NDEL1: variants seen among roughly 807,000 people sequenced by gnomAD.
The protein encoded by NDEL1 is nuclear distribution protein nudE-like 1.
A neutral mutation model predicts 45.7 loss-of-function variants in NDEL1; 9 were observed. The ratio of observed to expected loss-of-function variants is 0.20; its 90% CI spans 0.12 to 0.34. NDEL1 has a LOEUF of 0.34. Among genes scored for constraint, NDEL1 ranks in the 10% least tolerant of loss-of-function variants. The probability of loss-of-function intolerance (pLI) is 1.00; values close to 1 mark genes in which losing one functional copy is unlikely to be tolerated. For missense variants in NDEL1, 306 were observed against 406.2 expected (o/e 0.75, Z 2.12); for synonymous variants, 133 against 158.6 (o/e 0.84, Z 1.21).
intron 8 of NDEL1, among the ~76,000 whole-genome samples, chr17:8,461,599 T>C (rs1911210093): frequency 6.6e-6 from 1 of 152,130 alleles, no homozygotes; most frequent in South Asian, 2.1e-4. Context: ...AACATAAAAT[T>C]GATTTTCCTC....
intron 8 of NDEL1, among the ~76,000 whole-genome samples, chr17:8,463,681 T>C (rs1453302263): frequency 6.6e-6 from 1 of 152,250 alleles, no homozygotes; most frequent in Non-Finnish European, 1.5e-5. Context: ...TGTCAGGCCC[T>C]GGGATCACCT....
chr17:8,472,615 A>G (rs1024271897), downstream of NDEL1, among the ~76,000 whole-genome samples: 1 of 152,176 alleles, frequency 6.6e-6, no homozygotes, highest in African/African-American at 2.4e-5. Flanking sequence ...GTGAGCTGAG[A>G]GCATGCCACT....
rs557654205 is a variant in NDEL1, at chr17:8,428,884, A to G, written c.-12-15376A>G. The stretch of plus-strand genomic sequence containing the variant: ...GAGACGGGGTTTCACCGTGTTAGCC[A>G]AGATGGTCTCGATCTCCTGACCTTG... On this transcript the variant is annotated intron_variant, in intron 1 of 4. Transcript: ENST00000582812. Among the ~76,000 whole-genome samples the G allele has an allele frequency of 1.1e-4, 16 of 151,676 alleles. 1 individual carries two copies. The South Asian group carries it at 2.1e-3, about 20-fold the overall frequency.
chr17:8,420,509 G>A (rs1908681662), intron 1 of NDEL1, among the ~76,000 whole-genome samples: 1 of 152,188 alleles, frequency 6.6e-6, no homozygotes, highest in Non-Finnish European at 1.5e-5. Context: ...ATTTGCATCT[G>A]GGACAGATGC....
upstream of NDEL1, among the ~76,000 whole-genome samples, chr17:8,432,347 AATAT>A: frequency 1.7e-5 from 1 of 58,454 alleles, no homozygotes; most frequent in Non-Finnish European, 3.8e-5. Context: ...ATTATATATA[AATAT>A]AAATATAAAT....
At chr17:8,422,760 G>A (rs8079233) in intron 1 of NDEL1, among the ~76,000 whole-genome samples, 106,726 of 150,762 alleles carry the variant, frequency 0.71, 38,390 homozygotes, top group Middle Eastern at 0.8. Context: ...TTTTTGAGAC[G>A]GAGTCTTGCT....
chr17:8,470,469 CCCAGAGTGG>C (rs767312397), downstream of NDEL1, among the ~76,000 whole-genome samples: 3 of 152,166 alleles, frequency 2.0e-5, no homozygotes, highest in Non-Finnish European at 4.4e-5. This position sits in a 1 kb window ranked among gnomAD's most constrained non-coding sequence, Gnocchi z 4.2. Flanking sequence ...CTTCCTTCAG[CCCAGAGTGG>C]CCAGAAATGA....
rs1176480046 is a variant in NDEL1 at position 8,428,362 on chromosome 17, ATTTTTT to A, written c.-13+15106_-13+15111del. 8.7e-4 allele frequency among the ~76,000 whole-genome samples: 71 copies of A among 81,566 alleles called. 1 individual carries two copies. In the East Asian group the frequency reaches 0.019, roughly 22 times the overall value. 53.5% of individuals were successfully genotyped at this position (81,566 alleles called of 152,430 possible). A position where few individuals can be genotyped will look rare whatever the true frequency, so the allele number is the denominator to read the frequency against. On this transcript the variant is annotated intron_variant, in intron 1 of 4. Coordinates refer to the NDEL1 transcript ENST00000582812. ...TGTGTGTGTGTGTGTGTGTGTGTGT[ATTTTTT>A]TTTTTTTTTTTTCCGAGACAGAGTC... is the stretch of plus-strand genomic sequence containing the variant.
chr17:8,413,951 A>T (rs1021201153), intron 1 of NDEL1, among the ~76,000 whole-genome samples: 2 of 152,260 alleles, frequency 1.3e-5, no homozygotes, highest in African/African-American at 2.4e-5. Context: ...AGAGACATTG[A>T]AAGTGTTTGC....
At position 8,446,813 on chromosome 17, in the gene NDEL1, T is replaced by G. The variant is rs747638688; in HGVS notation, c.300T>G (p.Asp100Glu). Residue 100 changes from aspartate (D) to glutamate (E), a missense_variant, in exon 4 of 9, where the codon GAT becomes GAG. This residue lies in a region of NDEL1 where 112 missense variants were observed against 148.3 expected (regional missense o/e 0.76). Transcript: ENST00000334527. ...AGCAGGTCTCAGTGTTAGAAGATGA[T>G]TTAAGTCAGACTCGGGCCATTAAGG... is the stretch of plus-strand genomic sequence containing the variant. ...SYKQVSVLED[D>E]LSQTRAIKEQ... is the part of the protein sequence containing the mutation. 3 of 1,614,102 alleles carry G rather than the reference T, an allele frequency of 1.9e-6. No individual in the cohort carries two copies. The Admixed American group carries it at 5.0e-5, about 27-fold the overall frequency.
intron 6 of NDEL1, among the ~76,000 whole-genome samples, chr17:8,452,595 C>T (rs932486705): frequency 6.6e-6 from 1 of 152,138 alleles, no homozygotes; most frequent in Non-Finnish European, 1.5e-5. Context: ...TCAGAGAAAT[C>T]GGTAAGATCT....
At chr17:8,471,867 C>T (rs1911840515), downstream of NDEL1, among the ~76,000 whole-genome samples, 1 of 152,170 alleles carries the variant, frequency 6.6e-6, no homozygotes, top group Non-Finnish European at 1.5e-5. Context: ...AAAAACTCAA[C>T]ATCTGGGAAA....
upstream of NDEL1, chr17:8,431,963 G>C (rs549241496): frequency 6.6e-6 from 1 of 150,406 alleles, no homozygotes; most frequent in South Asian, 2.1e-4. Context: ...AGGTTCAAGC[G>C]GTTCTCAAGC....
At position 8,467,218 on chromosome 17, in the gene NDEL1, A is replaced by G. The variant is rs896936748; in HGVS notation, c.*195A>G. The G allele has an allele frequency of 5.1e-6, 3 of 593,782 alleles. No homozygotes were observed. Among genetic ancestry groups the G allele is most frequent in the Admixed American group, 6.3e-5 (2 of 31,786 alleles). 36.8% of individuals were successfully genotyped at this position (593,782 alleles called of 1,614,324 possible). On this transcript the variant is annotated 3_prime_UTR_variant, in exon 9 of 9. Transcript: ENST00000334527. The surrounding 1 kb of genome is among the most constrained non-coding windows in gnomAD (Gnocchi z 6.3). ...ACTCTGCGCGATATCAATACTGGCT[A>G]TTTTCTCTTCTCGCCGTAGTGCCGT...
chr17:8,472,557 C>T (rs144416371), downstream of NDEL1, among the ~76,000 whole-genome samples: 101 of 152,104 alleles, frequency 6.6e-4, no homozygotes, highest in African/African-American at 2.2e-3. Flanking sequence ...CCCAGCTACT[C>T]GGGGGGCTGA....
chr17:8,463,906 G>A (rs1911410261), intron 8 of NDEL1, among the ~76,000 whole-genome samples: 1 of 152,258 alleles, frequency 6.6e-6, no homozygotes, highest in South Asian at 2.1e-4. Context: ...GGAGCAGGCT[G>A]GAGCTGCTCT....
chr17:8,464,602 T>C (rs1459909495), intron 8 of NDEL1: 1 of 152,294 alleles, frequency 6.6e-6, no homozygotes, highest in African/African-American at 2.4e-5. Flanking sequence ...GTTCCATTTC[T>C]GCCCATGTAG....
Position 8,450,655 on chromosome 17 carries a change from G to A in NDEL1, c.527-125G>A. 3.6e-6 allele frequency: 3 copies of A among 840,974 alleles called. 1 individual carries two copies. The highest frequency in any genetic ancestry group is 6.0e-5 in the East Asian group (2 of 33,202). The allele number at this position is 840,974 out of a possible 1,614,324, so 52.1% of individuals were successfully genotyped here. On this transcript the variant is annotated intron_variant, in intron 5 of 8. Transcript: ENST00000334527. ...TAGAAATGAAAGTTATACTTAAATA[G>A]GAAATTCATTTTTGAGAAATAGTAA...
At chr17:8,459,206 A>G (rs888724726) in intron 7 of NDEL1, among the ~76,000 whole-genome samples, 1 of 152,094 alleles carries the variant, frequency 6.6e-6, no homozygotes, top group Non-Finnish European at 1.5e-5. Context: ...CATGGATAGT[A>G]TTTTTCTTTT....
Sources: allele counts gnomAD v4.1 joint callset (sites outside exome capture counted in the v4.1 genomes callset), GRCh38; gene constraint gnomAD v4.1.1; regional missense constraint gnomAD v4.1.1; non-coding constraint Gnocchi (gnomAD v3.1); transcripts MANE v1.5; gene names NCBI Gene and HGNC (gene_info 2026-07-23, HGNC 2026-07-21).